DZIP1: variants seen among roughly 807,000 people sequenced by gnomAD.
DZIP1 encodes DAZ interacting zinc finger protein 1.
In DZIP1, 97 loss-of-function variants were observed where a neutral mutation model predicts 107.6. The ratio of observed to expected loss-of-function variants is 0.90; its 90% CI spans 0.77 to 1.07. DZIP1 has a LOEUF of 1.07. DZIP1 is among the 50% of genes least tolerant of loss of function. The pLI is 0.00. For missense variants in DZIP1, 1,035 were observed against 1,063.6 expected, an observed-to-expected ratio of 0.97 and a Z score of 0.37; for synonymous variants, 390 against 386.4, an observed-to-expected ratio of 1.01 and a Z score of -0.11.
At chr13:95,609,388 TA>T in intron 13 of DZIP1, 68 bp downstream of exon 13, 1 of 1,053,036 alleles carries the variant, frequency 9.5e-7, no homozygotes, top group Non-Finnish European at 1.3e-6. Context: ...AAATAGTAAG[TA>T]AAAGTTATGT....
intron 18 of DZIP1, 89 bp downstream of exon 18, chr13:95,589,714 G>C (rs546885032): frequency 1.3e-6 from 2 of 1,491,388 alleles, no homozygotes; most frequent in African/African-American, 1.4e-5. Context: ...ATAAATTTCT[G>C]TGAAGCCACC....
At position 95,606,004 on chromosome 13, in the gene DZIP1, A is replaced by G. The variant is rs778388206; in HGVS notation, c.1476T>C (p.His492=). 1 of 1,613,988 alleles carries G rather than the reference A, an allele frequency of 6.2e-7. No homozygotes were observed. The highest frequency in any genetic ancestry group is 2.2e-5 in the East Asian group (1 of 44,864). The change falls in exon 14 of 23, where the codon CAT becomes CAC. Residue 492 remains histidine (H), a splice_region_variant and synonymous_variant. Transcript: ENST00000376829. ...LETKSSLPMV[H]EQAFSSHILE... ...GCTGAGACTATTACTGAAACTTACC[A>G]TGCACCATTGGCAGACTTGATTTAG... is the stretch of plus-strand genomic sequence containing the variant.
chr13:95,589,682 C>T, intron 18 of DZIP1, 121 bp downstream of exon 18: 1 of 1,341,134 alleles, frequency 7.5e-7, no homozygotes, highest in Non-Finnish European at 1.0e-6. Context: ...CTTGGACTTT[C>T]AGCCTCCAAA....
At chr13:95,639,803 G>A (rs915883913) in intron 5 of DZIP1, among the ~76,000 whole-genome samples, 1 of 151,596 alleles carries the variant, frequency 6.6e-6, no homozygotes, top group South Asian at 2.1e-4. Context: ...CATTATATTC[G>A]TTGCACAAGA....
intron 10 of DZIP1, chr13:95,617,840 T>C (rs886456693): frequency 3.5e-5 from 18 of 508,856 alleles, no homozygotes; most frequent in Admixed American, 2.0e-4. Flanking sequence ...GCTTAGTTAA[T>C]GCAGGGCAAC....
At chr13:95,590,059 C>A (rs1279142144) in intron 17 of DZIP1, 127 bp from the exon 18 acceptor site, 2 of 1,290,558 alleles carry the variant, frequency 1.5e-6, no homozygotes, top group Non-Finnish European at 2.1e-6. Flanking sequence ...GGGTTTAAAG[C>A]CAGACTCTAG....
Position 95,586,062 on chromosome 13 carries a change from C to G in DZIP1, c.2293G>C (p.Gly765Arg), listed in dbSNP as rs767605428. 6 of 1,610,100 alleles carry G rather than the reference C, an allele frequency of 3.7e-6. No homozygotes were observed. The highest frequency in any genetic ancestry group is 5.1e-6 in the Non-Finnish European group (6 of 1,178,640). Residue 765 changes from glycine to arginine, a missense_variant, in exon 21 of 23, where the codon GGT (glycine) becomes CGT (arginine). Gly to Arg is a moderately radical substitution (Grantham distance 125). Coordinates refer to ENST00000376829, the MANE Select transcript of DZIP1 (RefSeq NM_198968.4). ...PHRKNVNKPV[G>R]GTNVPEMFIK... is the part of the protein sequence containing the mutation. ...AACATCTCAGGGACATTAGTTCCAC[C>G]GACTGGTTTGTTCACATTTTTGCGA...
chr13:95,608,543 T>C (rs1262853314), intron 13 of DZIP1, among the ~76,000 whole-genome samples: 2 of 152,120 alleles, frequency 1.3e-5, no homozygotes, highest in South Asian at 2.1e-4. Context: ...GTACTTGACC[T>C]TTCTGTCCTT....
chr13:95,621,096 A>G (rs921634505), intron 9 of DZIP1, among the ~76,000 whole-genome samples: 1 of 152,220 alleles, frequency 6.6e-6, no homozygotes, highest in African/African-American at 2.4e-5. Context: ...CAGAAATGCT[A>G]TAGCCTAGAG....
chr13:95,588,159 A>G (rs1351744269), intron 19 of DZIP1: 1 of 153,616 alleles, frequency 6.5e-6, no homozygotes, highest in Non-Finnish European at 1.4e-5. Context: ...GTATTATCAC[A>G]TGAATTATTA....
At chr13:95,615,848 T>G (rs2139177362) in intron 10 of DZIP1, among the ~76,000 whole-genome samples, 1 of 152,276 alleles carries the variant, frequency 6.6e-6, no homozygotes, top group South Asian at 2.1e-4. Context: ...GTAAAATGAG[T>G]GACAGCATCT....
chr13:95,618,054 A>T, intron 10 of DZIP1: 1 of 518,442 alleles, frequency 1.9e-6, no homozygotes, highest in Non-Finnish European at 3.9e-6. Context: ...TGAGCTGGCT[A>T]CCTGATCTGG....
rs752133555 is a variant in DZIP1 at position 95,633,334 on chromosome 13, G to A, written c.598-13C>T. 1.4e-4 allele frequency: 219 copies of A among 1,608,640 alleles called. No homozygotes were observed. Among genetic ancestry groups the A allele is most frequent in the Non-Finnish European group, 1.8e-4 (209 of 1,175,324 alleles). ...CACAAAAATGGCACTGAAAAGGAGAGAGCAACAAATCCAAGTGTCTGTAAC... is the reference window on the plus strand; with the variant it reads ...CACAAAAATGGCACTGAAAAGGAGAAAGCAACAAATCCAAGTGTCTGTAAC... On this transcript the variant is annotated splice_polypyrimidine_tract_variant and intron_variant, in intron 5 of 22. Coordinates refer to ENST00000376829, the MANE Select transcript of DZIP1 (RefSeq NM_198968.4).
intron 6 of DZIP1, 59 bp downstream of exon 6, chr13:95,633,175 T>C (rs1877400911): frequency 1.3e-6 from 2 of 1,492,770 alleles, no homozygotes; most frequent in Non-Finnish European, 1.9e-6. Context: ...CCAAGTCTCA[T>C]TGCCAAAAGA....
intron 7 of DZIP1, among the ~76,000 whole-genome samples, chr13:95,627,287 T>C (rs1352294033): frequency 6.6e-6 from 1 of 152,202 alleles, no homozygotes; most frequent in Non-Finnish European, 1.5e-5. Flanking sequence ...AAATTGGCAC[T>C]GGGACAACTG....
At position 95,641,554 on chromosome 13, in the gene DZIP1, A is replaced by AC; in HGVS notation, c.337dup (p.Val113GlyfsTer92). 6.2e-7 allele frequency: 1 copy of AC among 1,613,694 alleles called. No homozygotes were observed. Among genetic ancestry groups the AC allele is most frequent in the Non-Finnish European group, 8.5e-7 (1 of 1,179,992 alleles). The stretch of plus-strand genomic sequence containing the variant: ...GATGAGCTTCAGCAGCACCGGGTCC[A>AC]CCCCCGACTGGCAGTGTGGGCACTT... On this transcript the variant is annotated frameshift_variant, in exon 5 of 23. Coordinates refer to ENST00000376829, the MANE Select transcript of DZIP1 (RefSeq NM_198968.4). LOFTEE classifies it high-confidence loss of function. This position sits in a 1 kb window ranked among gnomAD's most constrained non-coding sequence, Gnocchi z 4.3.
chr13:95,644,380 A>T lies in DZIP1; in HGVS notation c.-529T>A, dbSNP rs1376733769. On this transcript the variant is annotated 5_prime_UTR_variant, in exon 1 of 23. Transcript: ENST00000376829. Reference sequence around the variant, plus strand: ...CGCATCCCCGGTCTCGGCTCACCCCAGCTGCGCGCTCCTGGGCGGGTGCCG... The same window carrying T: ...CGCATCCCCGGTCTCGGCTCACCCCTGCTGCGCGCTCCTGGGCGGGTGCCG... 6.6e-6 allele frequency: 1 copy of T among 152,424 alleles called. No individual in the cohort carries two copies. Among genetic ancestry groups the T allele is most frequent in the East Asian group, 1.9e-4 (1 of 5,164 alleles). 9.4% of individuals were successfully genotyped at this position (152,424 alleles called of 1,614,324 possible). A position where few individuals can be genotyped will look rare whatever the true frequency, so the allele number is the denominator to read the frequency against.
chr13:95,637,956 G>C (rs1878019672), intron 5 of DZIP1, among the ~76,000 whole-genome samples: 1 of 151,994 alleles, frequency 6.6e-6, no homozygotes, highest in South Asian at 2.1e-4. Flanking sequence ...ACATAAATAG[G>C]AAGGATATAG....
At chr13:95,638,368 G>A (rs1201506522) in intron 5 of DZIP1, among the ~76,000 whole-genome samples, 1 of 152,050 alleles carries the variant, frequency 6.6e-6, no homozygotes, top group Non-Finnish European at 1.5e-5. Flanking sequence ...GGGATTACAG[G>A]TGTGAGCCAC....
Sources: gnomAD v4.1 joint callset for allele counts (sites outside exome capture counted in the v4.1 genomes callset) on GRCh38, gnomAD v4.1.1 for gene constraint, Gnocchi (gnomAD v3.1) non-coding constraint, MANE v1.5 for transcripts, NCBI Gene and HGNC (gene_info 2026-07-23, HGNC 2026-07-21) for gene names.